FSHR: variants seen among roughly 807,000 people sequenced by gnomAD.
FSHR encodes the protein follicle-stimulating hormone receptor.
Under a neutral mutation model 52.1 loss-of-function variants are expected in FSHR, and 46 were observed. The ratio of observed to expected loss-of-function variants is 0.88; its 90% CI spans 0.70 to 1.13. FSHR has a LOEUF of 1.13. Among genes scored for constraint, FSHR ranks in the 50% most tolerant of loss-of-function variants. The probability of loss-of-function intolerance (pLI) is 0.00; values close to 1 mark genes in which losing one functional copy is unlikely to be tolerated. For synonymous variants in FSHR, 399 were observed against 309.6 expected (o/e 1.29, Z -3.03); for missense variants, 964 against 834.6 (o/e 1.16, Z -1.91).
intron 1 of FSHR, among the ~76,000 whole-genome samples, chr2:49,084,407 T>C (rs115944535): frequency 0.24 from 37,131 of 151,914 alleles, 4,718 homozygotes; most frequent in African/African-American, 0.3. Context: ...AGATTCACAG[T>C]TGACACCCTA....
chr2:49,076,141 C>CA (rs1052606060), intron 1 of FSHR, among the ~76,000 whole-genome samples: 1 of 152,086 alleles, frequency 6.6e-6, no homozygotes, highest in African/African-American at 2.4e-5. Flanking sequence ...TTCAAAGGAA[C>CA]AAAAAATCCC....
rs1034163319 is a variant in FSHR, at chr2:49,042,116, G to T, written c.225-21956C>A. On this transcript the variant is annotated intron_variant, in intron 2 of 9. Coordinates refer to ENST00000406846, the MANE Select transcript of FSHR (RefSeq NM_000145.4). ...GCTGTGATTACATCCTGCCCACTAG[G>T]TATATAGCCATTCATTTTAGAAATA... Among the ~76,000 whole-genome samples the T allele has an allele frequency of 2.0e-5, 3 of 152,126 alleles. No homozygotes were observed. The South Asian group carries it at 6.2e-4, about 32-fold the overall frequency.
chr2:48,976,012 C>G (rs1446510013), intron 8 of FSHR, among the ~76,000 whole-genome samples: 9 of 152,170 alleles, frequency 5.9e-5, no homozygotes, highest in Non-Finnish European at 1.5e-5. Flanking sequence ...GCCAGAACTT[C>G]CAACACTGTG....
intron 2 of FSHR, among the ~76,000 whole-genome samples, chr2:49,044,617 AG>A (rs1490596736): frequency 1.3e-5 from 2 of 152,120 alleles, no homozygotes; most frequent in African/African-American, 4.8e-5. Flanking sequence ...CCTTGGCTGG[AG>A]GGGAAAGGAG....
intron 1 of FSHR, among the ~76,000 whole-genome samples, chr2:49,145,782 C>T (rs1480837375): frequency 2.0e-5 from 3 of 151,954 alleles, no homozygotes; most frequent in African/African-American, 7.2e-5. Context: ...TAATATAGAA[C>T]CTTGAACATA....
At chr2:49,088,606 C>T (rs905820695) in intron 1 of FSHR, among the ~76,000 whole-genome samples, 1 of 152,144 alleles carries the variant, frequency 6.6e-6, no homozygotes, top group Non-Finnish European at 1.5e-5. Context: ...TAAAGCAGTT[C>T]TTTAGGTGCC....
intron 1 of FSHR, among the ~76,000 whole-genome samples, chr2:49,091,026 C>T (rs1021801156): frequency 6.6e-6 from 1 of 151,530 alleles, no homozygotes; most frequent in African/African-American, 2.4e-5. Context: ...CTTTTTTAGA[C>T]ATAGGGTTTA....
At chr2:49,064,852 G>A (rs11686941) in intron 2 of FSHR, among the ~76,000 whole-genome samples, 20,815 of 152,072 alleles carry the variant, frequency 0.14, 1,439 homozygotes, top group East Asian at 0.2. Context: ...GGAAGAACTT[G>A]GAAAGTTCTG....
At chr2:49,095,324 C>G (rs1373783099) in intron 1 of FSHR, among the ~76,000 whole-genome samples, 1 of 152,050 alleles carries the variant, frequency 6.6e-6, no homozygotes, top group Non-Finnish European at 1.5e-5. Context: ...ATAAGCCCAT[C>G]CACTTATGGG....
intron 1 of FSHR, among the ~76,000 whole-genome samples, chr2:49,136,791 G>A (rs2103825442): frequency 1.3e-5 from 2 of 152,172 alleles, no homozygotes; most frequent in African/African-American, 4.8e-5. Context: ...ATTGACACAT[G>A]TAAAGCTTCT....
intron 1 of FSHR, among the ~76,000 whole-genome samples, chr2:49,145,977 A>G (rs180700874): frequency 1.3e-5 from 2 of 152,136 alleles, no homozygotes; most frequent in Admixed American, 1.3e-4. Flanking sequence ...CACATAGAGC[A>G]TAGGGTTGAG....
chr2:49,047,895 T>C (rs1668716695), intron 2 of FSHR, among the ~76,000 whole-genome samples: 1 of 152,202 alleles, frequency 6.6e-6, no homozygotes, highest in Admixed American at 6.5e-5. Flanking sequence ...TTATTATTTT[T>C]TGAGATGGAA....
At chr2:49,055,655 G>A (rs941143928) in intron 2 of FSHR, among the ~76,000 whole-genome samples, 1 of 150,696 alleles carries the variant, frequency 6.6e-6, no homozygotes, top group African/African-American at 2.4e-5. Context: ...CTAAAAACAG[G>A]AAGAGAAAAG....
intron 1 of FSHR, among the ~76,000 whole-genome samples, chr2:49,146,504 A>G (rs1305815551): frequency 6.6e-6 from 1 of 152,028 alleles, no homozygotes; most frequent in Non-Finnish European, 1.5e-5. Context: ...GAAAATATCA[A>G]GAGAAAGAGA....
At chr2:49,036,789 C>A (rs920578941) in intron 2 of FSHR, among the ~76,000 whole-genome samples, 13 of 152,154 alleles carry the variant, frequency 8.5e-5, no homozygotes, top group African/African-American at 3.1e-4. Flanking sequence ...AAGACTAAAA[C>A]AGTGATGTTG....
intron 9 of FSHR, among the ~76,000 whole-genome samples, chr2:48,967,209 C>T (rs1217158409): frequency 3.9e-5 from 6 of 152,194 alleles, no homozygotes; most frequent in Non-Finnish European, 8.8e-5. Context: ...AATCCTCCCA[C>T]TTTAGCCTCC....
chr2:49,055,526 A>G (rs2104311894), intron 2 of FSHR, among the ~76,000 whole-genome samples: 1 of 114,906 alleles, frequency 8.7e-6, no homozygotes, highest in Middle Eastern at 4.4e-3. Context: ...CAGATCCAGG[A>G]AGCTCAAAAA....
At chr2:49,027,575 C>T (rs1028631120) in intron 2 of FSHR, among the ~76,000 whole-genome samples, 7 of 152,152 alleles carry the variant, frequency 4.6e-5, no homozygotes, top group Non-Finnish European at 7.4e-5. Context: ...AAGGGCCGGG[C>T]GCAGTGGCTC....
At chr2:48,983,191 A>G (rs568267774) in intron 6 of FSHR, 25 bp from the exon 7 acceptor site, 9 of 1,602,990 alleles carry the variant, frequency 5.6e-6, no homozygotes, top group South Asian at 4.4e-5. Flanking sequence ...CTATTAAAAA[A>G]CCAATAATGT....
Sources: allele counts gnomAD v4.1 joint callset (sites outside exome capture counted in the v4.1 genomes callset), GRCh38; gene constraint gnomAD v4.1.1; transcripts MANE v1.5; gene names NCBI Gene and HGNC (gene_info 2026-07-23, HGNC 2026-07-21).